The following SH3PXD2B variants were observed in gnomAD, a reference collection of about 807,000 sequenced individuals.
SH3PXD2B encodes SH3 and PX domain-containing protein 2B.
Under a neutral mutation model 73.1 loss-of-function variants are expected in SH3PXD2B, and 37 were observed. That is an observed-to-expected ratio of 0.51 (90% CI 0.39 to 0.67). The LOEUF (loss-of-function observed/expected upper bound fraction) is 0.67, where lower values mean the gene tolerates loss of function less well. Among genes scored for constraint, SH3PXD2B ranks in the 30% least tolerant of loss-of-function variants. The probability of loss-of-function intolerance (pLI) is 0.00; values close to 1 mark genes in which losing one functional copy is unlikely to be tolerated. For missense variants in SH3PXD2B, 1,053 were observed against 1,197.8 expected (o/e 0.88, Z 1.78); for synonymous variants, 457 against 480.5 (o/e 0.95, Z 0.64).
chr5:172,362,086 T>A (rs183853111), intron 7 of SH3PXD2B, among the ~76,000 whole-genome samples: 145 of 152,372 alleles, frequency 9.5e-4, no homozygotes, highest in Admixed American at 2.4e-3. Flanking sequence ...TTTTTGAGCA[T>A]CTACTGTGTG....
At chr5:172,358,293 G>A (rs1308479284) in intron 8 of SH3PXD2B, among the ~76,000 whole-genome samples, 2 of 152,222 alleles carry the variant, frequency 1.3e-5, no homozygotes, top group African/African-American at 4.8e-5. Flanking sequence ...CATGCATAGG[G>A]AAGGTTCTCT....
intron 1 of SH3PXD2B, among the ~76,000 whole-genome samples, chr5:172,424,757 T>C (rs1163940218): frequency 6.6e-6 from 1 of 152,192 alleles, no homozygotes. Context: ...CACAATTTCC[T>C]AACTCCTGGA....
chr5:172,407,417 G>A (rs771582287), intron 2 of SH3PXD2B, among the ~76,000 whole-genome samples: 3 of 152,206 alleles, frequency 2.0e-5, no homozygotes, highest in Non-Finnish European at 2.9e-5. Context: ...TCTGCTGGCC[G>A]CGGTCATGGG....
chr5:172,345,506 T>C (rs1425597006), intron 12 of SH3PXD2B, among the ~76,000 whole-genome samples: 1 of 152,224 alleles, frequency 6.6e-6, no homozygotes, highest in East Asian at 1.9e-4. Flanking sequence ...CACCTGCTTT[T>C]GAAAGTGTCT....
intron 9 of SH3PXD2B, 30 bp from the exon 10 acceptor site, chr5:172,350,619 C>T (rs1326974319): frequency 1.3e-6 from 2 of 1,567,792 alleles, no homozygotes; most frequent in African/African-American, 2.7e-5. Flanking sequence ...TGCTGTCAAA[C>T]TGCTCCGCCA....
chr5:172,335,306 A>G lies in SH3PXD2B; in HGVS notation c.*3063T>C, dbSNP rs1175457757. 1 of 1,163,552 alleles carries G rather than the reference A, an allele frequency of 8.6e-7. No individual in the cohort carries two copies. Among genetic ancestry groups the G allele is most frequent in the Non-Finnish European group, 1.1e-6 (1 of 945,456 alleles). 72.1% of individuals were successfully genotyped at this position (1,163,552 alleles called of 1,614,324 possible). ...GGCCTGTGACCTACTGAAATGTGTG[A>G]GCAAGGGGCGGGGGGAAGAGGCACC... On this transcript the variant is annotated 3_prime_UTR_variant, in exon 13 of 13. Coordinates refer to ENST00000311601, the MANE Select transcript of SH3PXD2B (RefSeq NM_001017995.3).
chr5:172,353,871 G>T lies in SH3PXD2B; in HGVS notation c.785+17C>A, dbSNP rs1404599597. The T allele has an allele frequency of 3.7e-6, 6 of 1,607,508 alleles. No individual in the cohort carries two copies. Among genetic ancestry groups the T allele is most frequent in the Non-Finnish European group, 5.1e-6 (6 of 1,174,954 alleles). ...CCCCAAACCCACCCAGCAACCGTGG[G>T]GGGCAGCGGCTGGTACCTGATCTTC... On this transcript the variant is annotated intron_variant, in intron 9 of 12. Transcript: ENST00000311601. The surrounding 1 kb of genome is among the most constrained non-coding windows in gnomAD (Gnocchi z 4.3).
intron 3 of SH3PXD2B, among the ~76,000 whole-genome samples, chr5:172,398,439 A>C (rs1233703894): frequency 6.6e-6 from 1 of 152,222 alleles, no homozygotes; most frequent in Non-Finnish European, 1.5e-5. Context: ...AAGTGCTTTC[A>C]ACAGTTTGAG....
intron 6 of SH3PXD2B, among the ~76,000 whole-genome samples, chr5:172,368,590 A>AATATAT (rs1392499997): frequency 8.5e-5 from 1 of 11,740 alleles, no homozygotes; most frequent in African/African-American, 6.7e-4. Flanking sequence ...ATATATATAA[A>AATATAT]ATATGTTATA....
intron 3 of SH3PXD2B, among the ~76,000 whole-genome samples, chr5:172,395,596 G>A (rs1315083478): frequency 6.6e-6 from 1 of 152,218 alleles, no homozygotes; most frequent in Admixed American, 6.5e-5. Flanking sequence ...GGCGATGCCT[G>A]TTTAAAGCAA....
intron 3 of SH3PXD2B, among the ~76,000 whole-genome samples, chr5:172,404,620 G>A (rs1307394896): frequency 6.6e-6 from 1 of 152,146 alleles, no homozygotes; most frequent in Non-Finnish European, 1.5e-5. Flanking sequence ...GGCCCGTCCA[G>A]CTCTAAATAT....
chr5:172,345,110 A>AGGGAAGGAAGGAGGGAAGGAAGG lies in SH3PXD2B; in HGVS notation c.1188+1025_1188+1026insCCTTCCTTCCCTCCTTCCTTCCC, dbSNP rs1561894262. 5.3e-3 allele frequency among the ~76,000 whole-genome samples: 748 copies of AGGGAAGGAAGGAGGGAAGGAAGG among 140,312 alleles called. 9 individuals are homozygous for AGGGAAGGAAGGAGGGAAGGAAGG. Among genetic ancestry groups the AGGGAAGGAAGGAGGGAAGGAAGG allele is most frequent in the African/African-American group, 0.021 (698 of 33,124 alleles). The allele number at this position is 140,312 out of a possible 152,430, so 92.1% of individuals were successfully genotyped here. A position where few individuals can be genotyped will look rare whatever the true frequency, so the allele number is the denominator to read the frequency against. On this transcript the variant is annotated intron_variant, in intron 12 of 12. Coordinates refer to ENST00000311601, the MANE Select transcript of SH3PXD2B (RefSeq NM_001017995.3). Reference sequence around the variant, plus strand: ...GGAAGGAAAGAAGGAGGGAAGGAAGAAGGGAAGGAAGGAGGGAAGGAAGGA... The same window carrying AGGGAAGGAAGGAGGGAAGGAAGG: ...GGAAGGAAAGAAGGAGGGAAGGAAGAGGGAAGGAAGGAGGGAAGGAAGGAGGGAAGGAAGGAGGGAAGGAAGGA...
chr5:172,416,139 G>T (rs1758814189), intron 2 of SH3PXD2B, among the ~76,000 whole-genome samples: 1 of 152,082 alleles, frequency 6.6e-6, no homozygotes, highest in South Asian at 2.1e-4. Flanking sequence ...ACCAGTCGGG[G>T]CAACAAAGCA....
rs2113239798 is a variant in SH3PXD2B, at chr5:172,335,883, C to A, written c.*2486G>T. 1 of 1,221,254 alleles carries A rather than the reference C, an allele frequency of 8.2e-7. No homozygotes were observed. The highest frequency in any genetic ancestry group is 1.0e-6 in the Non-Finnish European group (1 of 981,894). 75.7% of individuals were successfully genotyped at this position (1,221,254 alleles called of 1,614,324 possible). ...AGGAGAGAACAGTGAACAGAGAGGACTGTGGCTTCAGTACCCGCGGGTCAT... is the reference window on the plus strand; with the variant it reads ...AGGAGAGAACAGTGAACAGAGAGGAATGTGGCTTCAGTACCCGCGGGTCAT... On this transcript the variant is annotated 3_prime_UTR_variant, in exon 13 of 13. Transcript: ENST00000311601.
intron 12 of SH3PXD2B, among the ~76,000 whole-genome samples, chr5:172,326,078 C>T (rs554027132): frequency 2.0e-5 from 3 of 152,290 alleles, no homozygotes; most frequent in South Asian, 2.1e-4. Flanking sequence ...TGAGCCACCG[C>T]GCCTGGCTGG....
At position 172,421,998 on chromosome 5, in the gene SH3PXD2B, C is replaced by T. The variant is rs1274506629; in HGVS notation, c.156+418G>A. Among the ~76,000 whole-genome samples, 2 of 114,096 alleles carry T rather than the reference C, an allele frequency of 1.8e-5. No homozygotes were observed. The highest frequency in any genetic ancestry group is 3.5e-5 in the Non-Finnish European group (2 of 56,366). 74.9% of individuals were successfully genotyped at this position (114,096 alleles called of 152,430 possible). On this transcript the variant is annotated intron_variant, in intron 2 of 12. Transcript: ENST00000311601. The surrounding 1 kb of genome is among the most constrained non-coding windows in gnomAD (Gnocchi z 4.0). ...TTTGTGTCTCAAAAGTAATGGATGT[C>T]ATTTTTTTTTTTTGAGATGGAGTTT... is the stretch of plus-strand genomic sequence containing the variant.
chr5:172,359,893 G>A (rs1757362200), intron 7 of SH3PXD2B, among the ~76,000 whole-genome samples: 1 of 152,214 alleles, frequency 6.6e-6, no homozygotes, highest in Non-Finnish European at 1.5e-5. Flanking sequence ...GAAGTCATGG[G>A]GAGATGTGGC....
intron 12 of SH3PXD2B, among the ~76,000 whole-genome samples, chr5:172,325,936 T>G (rs1023419742): frequency 6.6e-6 from 1 of 152,194 alleles, no homozygotes; most frequent in Admixed American, 6.5e-5. Flanking sequence ...TACAGGCATA[T>G]GCCGCCAGAC....
chr5:172,397,065 A>C (rs924967888), intron 3 of SH3PXD2B, among the ~76,000 whole-genome samples: 1 of 152,206 alleles, frequency 6.6e-6, no homozygotes, highest in Non-Finnish European at 1.5e-5. Flanking sequence ...TTTCAAAAGC[A>C]AATAGGAGAA....
Sources: allele counts gnomAD v4.1 joint callset (sites outside exome capture counted in the v4.1 genomes callset), GRCh38; gene constraint gnomAD v4.1.1; non-coding constraint Gnocchi (gnomAD v3.1); transcripts MANE v1.5; gene names NCBI Gene and HGNC (gene_info 2026-07-23, HGNC 2026-07-21).